The following SLC25A16 variants were observed in gnomAD, a reference collection of about 807,000 sequenced individuals.
The protein encoded by SLC25A16 is solute carrier family 25 member 16.
SLC25A16 carries 39 observed loss-of-function variants against 41.5 expected under a neutral mutation model. That is an observed-to-expected ratio of 0.94 (90% confidence interval 0.73 to 1.23). The LOEUF (loss-of-function observed/expected upper bound fraction) is 1.23, where lower values mean the gene tolerates loss of function less well. Ranked by LOEUF, SLC25A16 falls within the 50% of genes most tolerant of loss-of-function variation. SLC25A16 has a pLI of 0.00. For synonymous variants in SLC25A16, 146 were observed against 147.8 expected, an observed-to-expected ratio of 0.99 and a Z score of 0.09; for missense variants, 421 against 426.9, an observed-to-expected ratio of 0.99 and a Z score of 0.12.
At chr10:68,502,343 T>C (rs2133543292) in intron 4 of SLC25A16, among the ~76,000 whole-genome samples, 1 of 152,120 alleles carries the variant, frequency 6.6e-6, no homozygotes, top group Admixed American at 6.6e-5. Flanking sequence ...GTAAAACTTC[T>C]CTATAGGGAA....
At position 68,493,124 on chromosome 10, in the gene SLC25A16, A is replaced by G; in HGVS notation, c.610+8T>C. Reference sequence around the variant, plus strand: ...GCATATTAGGATTCTGGCAAATTTGAAACATACCTGCATATGGAGCCATTC... The same window carrying G: ...GCATATTAGGATTCTGGCAAATTTGGAACATACCTGCATATGGAGCCATTC... On this transcript the variant is annotated splice_region_variant and intron_variant, in intron 6 of 8. Transcript: ENST00000609923. 1 of 1,551,780 alleles carries G rather than the reference A, an allele frequency of 6.4e-7. No homozygotes were observed. The highest frequency in any genetic ancestry group is 8.7e-7 in the Non-Finnish European group (1 of 1,145,230).
At chr10:68,506,463 C>A in intron 3 of SLC25A16, 122 bp downstream of exon 3, 2 of 661,456 alleles carry the variant, frequency 3.0e-6, no homozygotes, top group Non-Finnish European at 2.1e-6. Context: ...AAAAAAAAAC[C>A]AATAATTTAA....
intron 6 of SLC25A16, among the ~76,000 whole-genome samples, chr10:68,491,537 TTTTG>T (rs1202148819): frequency 1.3e-5 from 2 of 151,900 alleles, no homozygotes; most frequent in African/African-American, 4.8e-5. Context: ...GTTGTTGCTT[TTTTG>T]TTTGTTTGAT....
chr10:68,502,752 G>GAGGAT (rs2052870549), intron 4 of SLC25A16, among the ~76,000 whole-genome samples: 1 of 105,662 alleles, frequency 9.5e-6, no homozygotes, highest in Non-Finnish European at 1.9e-5. Flanking sequence ...GAGGAGAGGA[G>GAGGAT]AGGAGGGGAG....
rs1221382063 is a variant in SLC25A16 at position 68,493,557 on chromosome 10, A to G, written c.435T>C (p.Val145=). Residue 145 remains valine, a synonymous_variant, in exon 5 of 9, where the codon GTT becomes GTC. Coordinates refer to ENST00000609923, the MANE Select transcript of SLC25A16 (RefSeq NM_152707.4). ...CCATGTCAAGAGGGTAAGTACAGAT[A>G]ACTGCTGTCATACCTGAAAAGAAAG... ...MAGSMAGMTA[V]ICTYPLDMVR... is the part of the protein sequence containing the mutation. 2 of 1,612,670 alleles carry G rather than the reference A, an allele frequency of 1.2e-6. No homozygotes were observed. The highest frequency in any genetic ancestry group is 3.3e-5 in the Admixed American group (2 of 59,974).
chr10:68,499,574 C>T (rs1038193479), intron 4 of SLC25A16: 5 of 273,552 alleles, frequency 1.8e-5, no homozygotes, highest in East Asian at 8.9e-5. Context: ...AGGCAAGAAA[C>T]GCAAAAGGCG....
Position 68,482,518 on chromosome 10 carries a change from T to G in SLC25A16, c.*914A>C, listed in dbSNP as rs904030427. On this transcript the variant is annotated 3_prime_UTR_variant, in exon 9 of 9. Coordinates refer to ENST00000609923, the MANE Select transcript of SLC25A16 (RefSeq NM_152707.4). ...TATTCACATCTATATTAATAAATAT[T>G]TCACAGTCTACTTAAATATTCTACT... is the stretch of plus-strand genomic sequence containing the variant. The G allele has an allele frequency of 6.6e-6, 1 of 152,620 alleles. No individual in the cohort carries two copies. Among genetic ancestry groups the G allele is most frequent in the African/African-American group, 2.4e-5 (1 of 41,458 alleles). The allele number at this position is 152,620 out of a possible 1,614,324, so 9.5% of individuals were successfully genotyped here.
intron 1 of SLC25A16, 109 bp from the exon 2 acceptor site, chr10:68,516,952 G>A: frequency 1.9e-6 from 2 of 1,028,914 alleles, no homozygotes; most frequent in South Asian, 1.6e-5. Flanking sequence ...CAGTCTCCAT[G>A]AGTAAATCTG....
At chr10:68,507,321 T>A (rs1410376563) in intron 2 of SLC25A16, among the ~76,000 whole-genome samples, 1 of 151,980 alleles carries the variant, frequency 6.6e-6, no homozygotes, top group African/African-American at 2.4e-5. Flanking sequence ...TCCACCCGTC[T>A]CGGCCTCCCA....
At chr10:68,519,411 G>A (rs1022252578) in intron 1 of SLC25A16, among the ~76,000 whole-genome samples, 7 of 151,554 alleles carry the variant, frequency 4.6e-5, no homozygotes, top group African/African-American at 1.5e-4. Context: ...GCCTGAACCC[G>A]GGAGGCAGAG....
In SLC25A16 at chr10:68,503,689, T is replaced by C. The variant is rs1205138402; in HGVS notation, c.364A>G (p.Thr122Ala). The C allele has an allele frequency of 1.1e-5, 17 of 1,597,996 alleles. No homozygotes were observed. The highest frequency in any genetic ancestry group is 1.5e-5 in the Non-Finnish European group (17 of 1,167,290). ...MAFEHYKTLI[T>A]TKLGISGHVH... is the part of the protein sequence containing the mutation. ...TGACCTGAAATTCCCAGCTTCGTAG[T>C]AATTAACTAGAAAACAAGAACACTG... The change falls in exon 4 of 9, where the codon ACT (threonine) becomes GCT (alanine). Residue 122 changes from threonine (T) to alanine (A), a missense_variant. Physicochemically the swap from Thr to Ala is moderately conservative, Grantham distance 58. Coordinates refer to ENST00000609923, the MANE Select transcript of SLC25A16 (RefSeq NM_152707.4).
intron 2 of SLC25A16, among the ~76,000 whole-genome samples, chr10:68,512,638 C>CAAAAAAAAAAAA (rs1163431016): frequency 2.3e-4 from 4 of 17,142 alleles, no homozygotes; most frequent in African/African-American, 1.0e-3. Context: ...GACTCCGTCT[C>CAAAAAAAAAAAA]AAAAAAAAAA....
At chr10:68,499,362 T>G (rs1160489563) in intron 4 of SLC25A16, among the ~76,000 whole-genome samples, 1 of 152,242 alleles carries the variant, frequency 6.6e-6, no homozygotes, top group Admixed American at 6.5e-5. Context: ...AACACTTTCC[T>G]TCTTTTTTTC....
At chr10:68,509,732 T>TA (rs1222438788) in intron 2 of SLC25A16, among the ~76,000 whole-genome samples, 1 of 144,552 alleles carries the variant, frequency 6.9e-6, no homozygotes, top group African/African-American at 2.6e-5. Context: ...TCTATCTATC[T>TA]ATATATATAT....
Position 68,493,491 on chromosome 10 carries a change from G to A in SLC25A16, c.501C>T (p.Ser167=). 2 of 1,613,204 alleles carry A rather than the reference G, an allele frequency of 1.2e-6. No homozygotes were observed. ...RLAFQVKGEH[S]YTGIIHAFKT... ...TGAAAGCATGAATAATTCCTGTATA[G>A]CTGTGTTCCCCTTTCACCTGGAATG... Residue 167 remains serine, a synonymous_variant, in exon 5 of 9, where the codon AGC becomes AGT. Transcript: ENST00000609923.
intron 3 of SLC25A16, among the ~76,000 whole-genome samples, chr10:68,503,911 A>G (rs2052902204): frequency 6.6e-6 from 1 of 151,384 alleles, no homozygotes; most frequent in African/African-American, 2.4e-5. Flanking sequence ...AATTTTTTGC[A>G]TTTCTGCAGA....
intron 2 of SLC25A16, among the ~76,000 whole-genome samples, chr10:68,508,633 G>A (rs2053001293): frequency 1.3e-5 from 2 of 151,246 alleles, no homozygotes; most frequent in African/African-American, 4.9e-5. Flanking sequence ...CAGGAGAATC[G>A]CTTGAACCCG....
At chr10:68,497,832 G>C (rs968866424) in intron 4 of SLC25A16, among the ~76,000 whole-genome samples, 1 of 151,926 alleles carries the variant, frequency 6.6e-6, no homozygotes, top group Admixed American at 6.6e-5. Flanking sequence ...GGCCAGGCTG[G>C]TCTTGAACTC....
chr10:68,516,594 TGAGAG>T (rs2053164775), intron 2 of SLC25A16, among the ~76,000 whole-genome samples, 152 bp downstream of exon 2: 1 of 152,218 alleles, frequency 6.6e-6, no homozygotes, highest in Admixed American at 6.6e-5. Context: ...ATTTTGCTTC[TGAGAG>T]AAGTTACTAT....
Sources: allele counts gnomAD v4.1 joint callset (sites outside exome capture counted in the v4.1 genomes callset), GRCh38; gene constraint gnomAD v4.1.1; transcripts MANE v1.5; gene names NCBI Gene and HGNC (gene_info 2026-07-23, HGNC 2026-07-21).